Variants in COBL observed in about 807,000 individuals in gnomAD.
COBL encodes the protein cordon-bleu WH2 repeat protein, also known as protein cordon-bleu.
In COBL, 51 loss-of-function variants were observed where a neutral mutation model predicts 98.8. The ratio of observed to expected loss-of-function variants is 0.52; its 90% CI spans 0.41 to 0.65. COBL has a LOEUF of 0.65. COBL is among the 30% of genes least tolerant of loss of function. The pLI is 0.00. For synonymous variants in COBL, 634 were observed against 651.7 expected, an observed-to-expected ratio of 0.97 and a Z score of 0.41; for missense variants, 1,617 against 1,617.5, an observed-to-expected ratio of 1.00 and a Z score of 0.01.
At chr7:51,210,410 C>T (rs933789088) in intron 2 of COBL, among the ~76,000 whole-genome samples, 2 of 152,186 alleles carry the variant, frequency 1.3e-5, no homozygotes, top group African/African-American at 2.4e-5. Flanking sequence ...CTGGAGGAAA[C>T]CTCAGACACC....
intron 1 of COBL, among the ~76,000 whole-genome samples, chr7:51,245,131 C>T (rs969636811): frequency 4.6e-5 from 7 of 152,248 alleles, no homozygotes; most frequent in Non-Finnish European, 5.9e-5. Flanking sequence ...CACACTCTAA[C>T]GGACCTGATC....
At chr7:51,077,746 C>A (rs1264980067) in intron 7 of COBL, among the ~76,000 whole-genome samples, 1 of 152,192 alleles carries the variant, frequency 6.6e-6, no homozygotes, top group African/African-American at 2.4e-5. Context: ...TATTCTACTG[C>A]TAGGAGCATT....
chr7:51,135,919 G>T (rs1562952481), intron 6 of COBL, among the ~76,000 whole-genome samples: 1 of 152,204 alleles, frequency 6.6e-6, no homozygotes, highest in African/African-American at 2.4e-5. Flanking sequence ...GTGGGGAGCA[G>T]GACTGGGCTG....
intron 1 of COBL, among the ~76,000 whole-genome samples, chr7:51,224,980 A>AGTGTGGGCGGACTGTGT: frequency 6.6e-6 from 1 of 151,994 alleles, no homozygotes; most frequent in African/African-American, 2.4e-5. Context: ...GCAGGCTGTG[A>AGTGTGGGCGGACTGTGT]GTGTGGGTGG....
Position 51,279,532 on chromosome 7 carries a change from C to T in COBL, c.41+37061G>A, listed in dbSNP as rs560260468. Reference sequence around the variant, plus strand: ...TTGAGAGGGAGGTGCAGAGATTGCCCGTATTCCCTCTGACCTTACACATGC... The same window carrying T: ...TTGAGAGGGAGGTGCAGAGATTGCCTGTATTCCCTCTGACCTTACACATGC... On this transcript the variant is annotated intron_variant, in intron 1 of 12. Coordinates refer to ENST00000265136, the MANE Select transcript of COBL (RefSeq NM_015198.5). 2.6e-5 allele frequency among the ~76,000 whole-genome samples: 4 copies of T among 152,212 alleles called. No homozygotes were observed. In the South Asian group the frequency reaches 8.3e-4, roughly 32 times the overall value.
chr7:51,281,422 T>C (rs1799809478), intron 1 of COBL, among the ~76,000 whole-genome samples: 1 of 152,138 alleles, frequency 6.6e-6, no homozygotes, highest in Admixed American at 6.5e-5. Flanking sequence ...CAAAACTTCC[T>C]GAAAGAAAAC....
chr7:51,043,155 G>T (rs1445800173), intron 8 of COBL, among the ~76,000 whole-genome samples: 1 of 152,100 alleles, frequency 6.6e-6, no homozygotes. Flanking sequence ...ATACTTAAGG[G>T]TATGGTACCA....
At chr7:51,104,458 A>G (rs1181822030) in intron 6 of COBL, among the ~76,000 whole-genome samples, 1 of 152,208 alleles carries the variant, frequency 6.6e-6, no homozygotes, top group Non-Finnish European at 1.5e-5. Context: ...TAGCTGTGTG[A>G]TGGTGGATAA....
intron 5 of COBL, among the ~76,000 whole-genome samples, chr7:51,181,608 G>A (rs950742604): frequency 2.6e-5 from 4 of 152,178 alleles, no homozygotes; most frequent in Admixed American, 6.5e-5. Flanking sequence ...CAAGGCAAAC[G>A]AAGTGTGTCC....
chr7:51,250,292 A>G (rs138012492), intron 1 of COBL, among the ~76,000 whole-genome samples: 25 of 152,240 alleles, frequency 1.6e-4, no homozygotes, highest in African/African-American at 4.3e-4. Flanking sequence ...GGCCTTTACA[A>G]TTCCCAAAGC....
chr7:51,248,398 G>A (rs565755147), intron 1 of COBL, among the ~76,000 whole-genome samples: 12 of 152,230 alleles, frequency 7.9e-5, no homozygotes, highest in Admixed American at 5.9e-4. Flanking sequence ...AGTTCCTCAA[G>A]GAGACACCAG....
At chr7:51,226,468 C>T (rs375107104) in intron 1 of COBL, among the ~76,000 whole-genome samples, 1 of 152,178 alleles carries the variant, frequency 6.6e-6, no homozygotes, top group African/African-American at 2.4e-5. Context: ...CTTTCTTGTT[C>T]ATCACTGGTA....
chr7:51,210,503 C>T (rs1254680450), intron 2 of COBL, among the ~76,000 whole-genome samples: 1 of 152,162 alleles, frequency 6.6e-6, no homozygotes, highest in African/African-American at 2.4e-5. Context: ...GCCAGGAGCT[C>T]CAGCTTTGGC....
intron 7 of COBL, among the ~76,000 whole-genome samples, chr7:51,058,961 G>A (rs1791048715): frequency 1.3e-5 from 2 of 152,206 alleles, no homozygotes; most frequent in South Asian, 2.1e-4. Context: ...CTCTGGCTGC[G>A]CTCATGTCCT....
intron 1 of COBL, chr7:51,260,061 A>G: frequency 6.5e-6 from 7 of 1,073,042 alleles, no homozygotes; most frequent in Non-Finnish European, 9.9e-6. Context: ...CTTCTTCTCC[A>G]AAAGTGTCTG....
chr7:51,215,215 G>T (rs1281596093), intron 2 of COBL, among the ~76,000 whole-genome samples: 2 of 152,180 alleles, frequency 1.3e-5, no homozygotes, highest in Non-Finnish European at 2.9e-5. Flanking sequence ...CGTTTAGGAA[G>T]AATGTGTCCA....
chr7:51,229,453 G>A (rs1380864206), intron 1 of COBL, among the ~76,000 whole-genome samples: 1 of 152,170 alleles, frequency 6.6e-6, no homozygotes, highest in Non-Finnish European at 1.5e-5. Context: ...GGGATGCCTG[G>A]CAGCAACCTT....
intron 1 of COBL, among the ~76,000 whole-genome samples, chr7:51,280,914 A>G (rs913467202): frequency 2.0e-5 from 3 of 152,236 alleles, no homozygotes; most frequent in African/African-American, 7.2e-5. Flanking sequence ...GTCAATTGCC[A>G]GATTTAAAAA....
intron 7 of COBL, among the ~76,000 whole-genome samples, chr7:51,080,565 C>T (rs545835297): frequency 5.9e-5 from 9 of 152,290 alleles, no homozygotes; most frequent in South Asian, 2.1e-4. Context: ...GCATACCCTA[C>T]GAAGCAGTGA....
Sources: allele counts gnomAD v4.1 joint callset (sites outside exome capture counted in the v4.1 genomes callset), GRCh38; gene constraint gnomAD v4.1.1; transcripts MANE v1.5; gene names NCBI Gene and HGNC (gene_info 2026-07-23, HGNC 2026-07-21).